Variants in MGAT4C observed in about 807,000 individuals in gnomAD.
MGAT4C encodes alpha-1,3-mannosyl-glycoprotein 4-beta-N-acetylglucosaminyltransferase C.
MGAT4C carries 19 observed loss-of-function variants against 40.1 expected under a neutral mutation model. The observed-to-expected ratio is 0.47, with a 90% CI of 0.33 to 0.70. The LOEUF (loss-of-function observed/expected upper bound fraction) is 0.70, where lower values mean the gene tolerates loss of function less well. MGAT4C is among the 30% of genes least tolerant of loss of function. The pLI is 0.02. For synonymous variants in MGAT4C, 181 were observed against 187.1 expected (o/e 0.97, Z 0.27); for missense variants, 491 against 563.2 (o/e 0.87, Z 1.30).
intron 1 of MGAT4C, among the ~76,000 whole-genome samples, chr12:86,739,804 A>G (rs1951039343): frequency 6.6e-6 from 1 of 150,602 alleles, no homozygotes; most frequent in Non-Finnish European, 1.5e-5. Flanking sequence ...AGGAACAATT[A>G]TTTTTGTGTG....
At chr12:86,452,560 A>G (rs1408956000) in intron 2 of MGAT4C, among the ~76,000 whole-genome samples, 1 of 152,002 alleles carries the variant, frequency 6.6e-6, no homozygotes, top group African/African-American at 2.4e-5. Context: ...AATGCCTCAA[A>G]GTAAATTACA....
At chr12:86,646,153 A>C (rs533762670) in intron 2 of MGAT4C, among the ~76,000 whole-genome samples, 1 of 151,890 alleles carries the variant, frequency 6.6e-6, no homozygotes, top group African/African-American at 2.4e-5. Flanking sequence ...AATGACAGCA[A>C]ATTTGGAAAA....
In MGAT4C at chr12:85,962,967, G is replaced by C. The variant is rs925337792; in HGVS notation, c.*16322C>G. On this transcript the variant is annotated 3_prime_UTR_variant, in exon 5 of 5. Coordinates refer to ENST00000611864, the MANE Select transcript of MGAT4C (RefSeq NM_001351288.2). ...CTTGCAAAAAAAATTACATAAACAAGTATTTCCTAGAGTTCAAACACTGAT... is the reference window on the plus strand; with the variant it reads ...CTTGCAAAAAAAATTACATAAACAACTATTTCCTAGAGTTCAAACACTGAT... 4 of 151,614 alleles carry C rather than the reference G, an allele frequency of 2.6e-5. No individual in the cohort carries two copies. The highest frequency in any genetic ancestry group is 5.9e-5 in the Non-Finnish European group (4 of 67,734). 9.4% of individuals were successfully genotyped at this position (151,614 alleles called of 1,614,324 possible).
chr12:86,042,211 A>T (rs7311150), intron 2 of MGAT4C, among the ~76,000 whole-genome samples: 66,769 of 152,004 alleles, frequency 0.44, 15,438 homozygotes, highest in African/African-American at 0.51. Context: ...ACACTGTATG[A>T]GAGATGAGTT....
At chr12:86,650,514 C>T (rs962357514) in intron 2 of MGAT4C, among the ~76,000 whole-genome samples, 1 of 151,868 alleles carries the variant, frequency 6.6e-6, no homozygotes, top group Non-Finnish European at 1.5e-5. Context: ...CCAAGTGCTG[C>T]AGAAAAGTGC....
intron 3 of MGAT4C, among the ~76,000 whole-genome samples, chr12:86,357,192 G>C (rs924352177): frequency 6.6e-6 from 1 of 152,160 alleles, no homozygotes; most frequent in African/African-American, 2.4e-5. Flanking sequence ...GCCTCTGCTG[G>C]TGCTACCCAG....
chr12:86,058,629 T>G (rs1173176329), intron 1 of MGAT4C, among the ~76,000 whole-genome samples: 5 of 152,108 alleles, frequency 3.3e-5, no homozygotes, highest in Non-Finnish European at 7.4e-5. Context: ...ATTTGGTAAC[T>G]TATCCAAGGC....
At chr12:86,764,664 A>C (rs1263407151) in intron 1 of MGAT4C, among the ~76,000 whole-genome samples, 12 of 151,714 alleles carry the variant, frequency 7.9e-5, no homozygotes, top group Admixed American at 7.9e-4. Flanking sequence ...CCTCTGAGAC[A>C]AAACTTCCAG....
chr12:86,076,426 C>G (rs765732467), intron 1 of MGAT4C, among the ~76,000 whole-genome samples: 14 of 152,180 alleles, frequency 9.2e-5, no homozygotes, highest in Non-Finnish European at 1.9e-4. Flanking sequence ...GTCTGTTACC[C>G]AGTTCCAAAG....
Position 85,974,388 on chromosome 12 carries a change from C to T in MGAT4C, c.*4901G>A, listed in dbSNP as rs1883803268. 1 of 150,506 alleles carries T rather than the reference C, an allele frequency of 6.6e-6. No homozygotes were observed. The highest frequency in any genetic ancestry group is 2.4e-5 in the African/African-American group (1 of 41,240). 9.3% of individuals were successfully genotyped at this position (150,506 alleles called of 1,614,324 possible). On this transcript the variant is annotated 3_prime_UTR_variant, in exon 5 of 5. Coordinates refer to ENST00000611864, the MANE Select transcript of MGAT4C (RefSeq NM_001351288.2). ...AAAAAATAATGCAAATGGTGCATATCCTTCTGTCTTTCTCTCATACACACA... is the reference window on the plus strand; with the variant it reads ...AAAAAATAATGCAAATGGTGCATATTCTTCTGTCTTTCTCTCATACACACA...
intron 2 of MGAT4C, among the ~76,000 whole-genome samples, chr12:86,601,764 G>A (rs1024173992): frequency 2.6e-5 from 4 of 152,096 alleles, no homozygotes; most frequent in African/African-American, 9.7e-5. Flanking sequence ...GGGCCGGAGC[G>A]GGGCAGAGGG....
chr12:86,059,505 C>A (rs1893729928), intron 1 of MGAT4C, among the ~76,000 whole-genome samples: 1 of 152,198 alleles, frequency 6.6e-6, no homozygotes, highest in African/African-American at 2.4e-5. Flanking sequence ...TTCCTTTCTG[C>A]TGGTTGGAAA....
intron 1 of MGAT4C, among the ~76,000 whole-genome samples, chr12:86,058,640 A>C (rs1415613657): frequency 6.6e-6 from 1 of 152,122 alleles, no homozygotes; most frequent in East Asian, 1.9e-4. Context: ...TATCCAAGGC[A>C]ACATATATAT....
At chr12:86,368,559 C>T (rs991271997) in intron 3 of MGAT4C, among the ~76,000 whole-genome samples, 16 of 151,794 alleles carry the variant, frequency 1.1e-4, no homozygotes, top group African/African-American at 3.9e-4. Flanking sequence ...ACTGCTTTTG[C>T]TACATCTCAT....
At chr12:86,740,886 T>G (rs970775389) in intron 1 of MGAT4C, among the ~76,000 whole-genome samples, 15 of 151,246 alleles carry the variant, frequency 9.9e-5, no homozygotes, top group African/African-American at 3.6e-4. Context: ...AGAGTACATT[T>G]GCAGGTTTGT....
chr12:86,120,579 T>G (rs960076234), intron 1 of MGAT4C, among the ~76,000 whole-genome samples: 13 of 152,322 alleles, frequency 8.5e-5, no homozygotes, highest in African/African-American at 3.1e-4. Flanking sequence ...TTTGCCGTTC[T>G]GCAATATTTG....
intron 3 of MGAT4C, among the ~76,000 whole-genome samples, chr12:86,345,338 A>C: frequency 6.6e-6 from 1 of 151,502 alleles, no homozygotes; most frequent in Non-Finnish European, 1.5e-5. Context: ...GGTTTGTTAC[A>C]TATGTATACA....
At chr12:86,800,307 T>A (rs927801355) in intron 1 of MGAT4C, among the ~76,000 whole-genome samples, 10 of 151,922 alleles carry the variant, frequency 6.6e-5, no homozygotes, top group Admixed American at 1.3e-4. Flanking sequence ...GATCCTGATG[T>A]CTTTAATCAC....
intron 2 of MGAT4C, among the ~76,000 whole-genome samples, chr12:86,438,579 C>G (rs546287094): frequency 1.1e-3 from 174 of 152,002 alleles, no homozygotes; most frequent in African/African-American, 4.1e-3. Context: ...AACAAAGTAA[C>G]TATGTAACAA....
Sources: gnomAD v4.1 joint callset for allele counts (sites outside exome capture counted in the v4.1 genomes callset) on GRCh38, gnomAD v4.1.1 for gene constraint, MANE v1.5 for transcripts, NCBI Gene and HGNC (gene_info 2026-07-23, HGNC 2026-07-21) for gene names.